Variants in RAPGEF2 observed in about 807,000 individuals in gnomAD.
RAPGEF2 encodes PDZ domain containing guanine nucleotide exchange factor (GEF) 1.
Under a neutral mutation model 186.7 loss-of-function variants are expected in RAPGEF2, and 54 were observed. The observed-to-expected ratio is 0.29, with a 90% CI of 0.23 to 0.36. The LOEUF is 0.36. RAPGEF2 is among the 10% of genes least tolerant of loss of function. The pLI, the probability that RAPGEF2 is intolerant of heterozygous loss-of-function variation, is 1.00. For missense variants in RAPGEF2, 1,532 were observed against 2,045.0 expected (o/e 0.75, Z 4.84); for synonymous variants, 712 against 705.9 (o/e 1.01, Z -0.14).
At chr4:159,139,917 C>T (rs1052680832) in intron 1 of RAPGEF2, among the ~76,000 whole-genome samples, 1 of 152,130 alleles carries the variant, frequency 6.6e-6, no homozygotes, top group Non-Finnish European at 1.5e-5. Context: ...ATCCAGTAAA[C>T]AGGAATTGTG....
chr4:159,152,810 G>A (rs1435032226), intron 1 of RAPGEF2, among the ~76,000 whole-genome samples: 3 of 152,014 alleles, frequency 2.0e-5, no homozygotes, highest in African/African-American at 4.8e-5. Context: ...TAGTAGAGAC[G>A]GGGTTTCACC....
chr4:159,145,211 A>G (rs1452696106), intron 1 of RAPGEF2, among the ~76,000 whole-genome samples: 1 of 151,884 alleles, frequency 6.6e-6, no homozygotes, highest in Non-Finnish European at 1.5e-5. Context: ...TTGTAGTAAT[A>G]CTATTCAGAA....
chr4:159,270,498 C>T (rs1446809201), intron 7 of RAPGEF2, among the ~76,000 whole-genome samples: 1 of 152,134 alleles, frequency 6.6e-6, no homozygotes, highest in East Asian at 1.9e-4. Flanking sequence ...TCTTTGACTG[C>T]AGCAGGTAGT....
At chr4:159,270,394 CAG>C (rs1757975916) in intron 7 of RAPGEF2, among the ~76,000 whole-genome samples, 1 of 152,180 alleles carries the variant, frequency 6.6e-6, no homozygotes, top group African/African-American at 2.4e-5. Context: ...TTTATAGTGT[CAG>C]AGCTAATTTC....
At chr4:159,122,431 A>G (rs188679303) in intron 1 of RAPGEF2, among the ~76,000 whole-genome samples, 2 of 152,168 alleles carry the variant, frequency 1.3e-5, no homozygotes, top group Non-Finnish European at 2.9e-5. Flanking sequence ...GTGAGCCGAG[A>G]CTGCACCACA....
At chr4:159,286,204 A>G (rs917525922) in intron 7 of RAPGEF2, among the ~76,000 whole-genome samples, 2 of 151,990 alleles carry the variant, frequency 1.3e-5, no homozygotes, top group Non-Finnish European at 2.9e-5. Flanking sequence ...AAACCTATGG[A>G]TTATCTTTGG....
At chr4:159,258,683 A>C (rs564378853) in intron 7 of RAPGEF2, among the ~76,000 whole-genome samples, 178 of 152,344 alleles carry the variant, frequency 1.2e-3, no homozygotes, top group African/African-American at 4.2e-3. Context: ...CAATAGGTCT[A>C]TGAAAGCAGA....
Position 159,343,260 on chromosome 4 carries a change from TTCC to T in RAPGEF2, c.3131-15_3131-13del. ...AGAATAAATGCCATGTGATTTCCTT[TTCC>T]TCCTCTGTCAATTTCAGGAAATGAC... On this transcript the variant is annotated intron_variant, in intron 21 of 29. Transcript: ENST00000691494. 1 of 1,614,082 alleles carries T rather than the reference TTCC, an allele frequency of 6.2e-7. No homozygotes were observed. Among genetic ancestry groups the T allele is most frequent in the Non-Finnish European group, 8.5e-7 (1 of 1,179,910 alleles).
intron 7 of RAPGEF2, among the ~76,000 whole-genome samples, chr4:159,286,075 C>CACG (rs1760446661): frequency 7.3e-6 from 1 of 137,180 alleles, no homozygotes; most frequent in African/African-American, 3.1e-5. Context: ...CCACCACCAC[C>CACG]ACCACCAAAT....
chr4:159,159,220 G>A (rs896074113), intron 1 of RAPGEF2, among the ~76,000 whole-genome samples: 1 of 152,142 alleles, frequency 6.6e-6, no homozygotes, highest in African/African-American at 2.4e-5. Context: ...TCACGCAGCT[G>A]TTTATTTTGC....
In RAPGEF2 at chr4:159,103,314, G is replaced by A. The variant is rs1381760837; in HGVS notation, c.-849G>A. 1 of 151,940 alleles carries A rather than the reference G, an allele frequency of 6.6e-6. No homozygotes were observed. Among genetic ancestry groups the A allele is most frequent in the Admixed American group, 6.6e-5 (1 of 15,200 alleles). 9.4% of individuals were successfully genotyped at this position (151,940 alleles called of 1,614,324 possible). ...TTGCCGAGAGCGACTGGGCCGGAGG[G>A]CTGCAGCCCGGGCCGGGTGCTCTGG... On this transcript the variant is annotated 5_prime_UTR_variant, in exon 1 of 30. Transcript: ENST00000691494.
Position 159,339,170 on chromosome 4 carries a change from A to G in RAPGEF2, c.2350A>G (p.Met784Val), listed in dbSNP as rs1767886645. The G allele has an allele frequency of 5.0e-6, 8 of 1,614,168 alleles. No homozygotes were observed. Among genetic ancestry groups the G allele is most frequent in the East Asian group, 2.2e-5 (1 of 44,882 alleles). The change falls in exon 19 of 30, where the codon ATG becomes GTG. Residue 784 changes from methionine (M) to valine (V), a missense_variant. Met to Val is a conservative substitution (Grantham distance 21, BLOSUM62 1). Around this residue, in one of 4 missense-constraint regions of RAPGEF2, gnomAD observed 810 missense variants for 1,210.5 expected, o/e 0.67. Coordinates refer to ENST00000691494, the MANE Select transcript of RAPGEF2 (RefSeq NM_001394067.2). ...GGCTGATCAGCAAAGCCGCTACATC[A>G]TGATCAGTAAGGACACTACAGCAAA... ...FKADQQSRYIMISKDTTAKEV... is the reference protein window; with the variant it reads ...FKADQQSRYIVISKDTTAKEV...
At position 159,358,162 on chromosome 4, in the gene RAPGEF2, G is replaced by C. The variant is rs370024514; in HGVS notation, c.*23G>C. ...TGAGGCACAGACTTTTCTGGAAGCA[G>C]AGCGAGCCACCTGAAAGGAGAGCAC... On this transcript the variant is annotated 3_prime_UTR_variant, in exon 30 of 30. Coordinates refer to ENST00000691494, the MANE Select transcript of RAPGEF2 (RefSeq NM_001394067.2). 6.2e-7 allele frequency: 1 copy of C among 1,609,126 alleles called. No homozygotes were observed. The highest frequency in any genetic ancestry group is 1.7e-5 in the Admixed American group (1 of 59,410).
chr4:159,277,804 C>A (rs537069691), intron 7 of RAPGEF2, among the ~76,000 whole-genome samples: 1 of 151,984 alleles, frequency 6.6e-6, no homozygotes, highest in African/African-American at 2.4e-5. Flanking sequence ...TTGTTTAGTT[C>A]TTTGTAGATT....
At chr4:159,324,354 T>TA (rs1227539303) in intron 11 of RAPGEF2, among the ~76,000 whole-genome samples, 1 of 152,222 alleles carries the variant, frequency 6.6e-6, no homozygotes, top group African/African-American at 2.4e-5. Context: ...GTGGAACTAT[T>TA]ACTTTTAGTC....
chr4:159,345,622 A>G (rs558765278), intron 24 of RAPGEF2, among the ~76,000 whole-genome samples: 1 of 152,338 alleles, frequency 6.6e-6, no homozygotes, highest in Non-Finnish European at 1.5e-5. Context: ...AGACGCATAT[A>G]TAGATATGGC....
At chr4:159,315,199 G>A (rs1579903053) in intron 9 of RAPGEF2, among the ~76,000 whole-genome samples, 2 of 152,072 alleles carry the variant, frequency 1.3e-5, no homozygotes, top group Admixed American at 6.5e-5. Context: ...GTGTGAAGAC[G>A]CAAGTGGGTG....
At chr4:159,206,162 C>T (rs1034504576) in intron 3 of RAPGEF2, among the ~76,000 whole-genome samples, 7 of 152,306 alleles carry the variant, frequency 4.6e-5, no homozygotes, top group Admixed American at 1.3e-4. Flanking sequence ...GATCTCCTGA[C>T]CTCGTGATCC....
chr4:159,162,995 C>T (rs1323474348), intron 1 of RAPGEF2, among the ~76,000 whole-genome samples: 1 of 152,132 alleles, frequency 6.6e-6, no homozygotes, highest in African/African-American at 2.4e-5. Flanking sequence ...GGTACCTCCT[C>T]ACTCCGAAAC....
Sources: gnomAD v4.1 joint callset for allele counts (sites outside exome capture counted in the v4.1 genomes callset) on GRCh38, gnomAD v4.1.1 for gene constraint, gnomAD v4.1.1 regional missense constraint, MANE v1.5 for transcripts, NCBI Gene and HGNC (gene_info 2026-07-23, HGNC 2026-07-21) for gene names.